The following UMAD1 variants were observed in gnomAD, a reference collection of about 807,000 sequenced individuals.
UMAD1 encodes UBAP1-MVB12-associated (UMA) domain containing 1, also known as UBAP1-MVB12-associated (UMA)-domain containing protein 1.
UMAD1 carries 8 observed loss-of-function variants against 6.1 expected under a neutral mutation model. The observed-to-expected ratio is 1.30, with a 90% CI of 0.76 to 2.35. The LOEUF (loss-of-function observed/expected upper bound fraction) is 2.35, where lower values mean the gene tolerates loss of function less well. UMAD1 is among the 30% of genes most tolerant of loss of function. The pLI is 0.00. For synonymous variants in UMAD1, 56 were observed against 31.4 expected (o/e 1.78, Z -2.61); for missense variants, 130 against 78.4 (o/e 1.66, Z -2.49).
chr7:7,643,722 AAAAC>A (rs1231203583), intron 1 of UMAD1, among the ~76,000 whole-genome samples: 2 of 5,496 alleles, frequency 3.6e-4, no homozygotes, highest in East Asian at 0.01. Context: ...AAAAAAAAAA[AAAAC>A]AAACAAACGA....
intron 1 of UMAD1, among the ~76,000 whole-genome samples, chr7:7,654,147 A>G (rs1785288782): frequency 1.3e-5 from 2 of 152,224 alleles, no homozygotes; most frequent in Non-Finnish European, 2.9e-5. Context: ...TCAATTAAAA[A>G]GAAAACAAAC....
intron 2 of UMAD1, among the ~76,000 whole-genome samples, chr7:7,774,304 T>C (rs1563195307): frequency 6.6e-6 from 1 of 152,130 alleles, no homozygotes; most frequent in Non-Finnish European, 1.5e-5. Context: ...AGAACAATAA[T>C]GAAGAGCATT....
rs1221956551 is a variant in UMAD1 at position 7,854,506 on chromosome 7, C to T, written c.157-22775C>T. Among the ~76,000 whole-genome samples, 8 of 152,100 alleles carry T rather than the reference C, an allele frequency of 5.3e-5. No individual in the cohort carries two copies. The East Asian group carries it at 5.8e-4, about 11-fold the overall frequency. On this transcript the variant is annotated intron_variant, in intron 3 of 3. Coordinates refer to ENST00000682710, the MANE Select transcript of UMAD1 (RefSeq NM_001302348.2). The stretch of plus-strand genomic sequence containing the variant: ...GAATGAGTACCAGCAAGGGAAATGC[C>T]GGACGCATATAAAACCATCAGATCT...
At chr7:7,734,554 A>G (rs1380197868) in intron 2 of UMAD1, among the ~76,000 whole-genome samples, 1 of 152,150 alleles carries the variant, frequency 6.6e-6, no homozygotes, top group Non-Finnish European at 1.5e-5. Flanking sequence ...GAAAGATGTT[A>G]TTCTTCATTA....
chr7:7,735,555 G>A (rs982440231), intron 2 of UMAD1, among the ~76,000 whole-genome samples: 4 of 151,996 alleles, frequency 2.6e-5, no homozygotes, highest in African/African-American at 7.3e-5. Context: ...AATTACAGGG[G>A]CCCACCACCA....
intron 3 of UMAD1, 21 bp from the exon 4 acceptor site, chr7:7,877,260 T>C: frequency 1.4e-6 from 1 of 708,318 alleles, no homozygotes; most frequent in Non-Finnish European, 2.6e-6. Flanking sequence ...GCCTAAATGT[T>C]TTAAATGTAT....
At chr7:7,816,579 G>A (rs1392737785) in intron 3 of UMAD1, among the ~76,000 whole-genome samples, 1 of 152,224 alleles carries the variant, frequency 6.6e-6, no homozygotes, top group Non-Finnish European at 1.5e-5. Context: ...TTGGGACAAA[G>A]AGAATGTGGC....
chr7:7,716,331 C>G (rs558012542), intron 2 of UMAD1, among the ~76,000 whole-genome samples: 3 of 152,258 alleles, frequency 2.0e-5, no homozygotes, highest in African/African-American at 7.2e-5. Context: ...TACAGGAGCT[C>G]GAAAGAAATT....
chr7:7,813,890 A>G (rs548974466), intron 3 of UMAD1, among the ~76,000 whole-genome samples: 1 of 152,312 alleles, frequency 6.6e-6, no homozygotes, highest in South Asian at 2.1e-4. Context: ...ATTTACTGAT[A>G]TTTATTATGG....
At chr7:7,652,574 T>C (rs1048630853) in intron 1 of UMAD1, among the ~76,000 whole-genome samples, 7 of 152,208 alleles carry the variant, frequency 4.6e-5, no homozygotes, top group African/African-American at 1.7e-4. Context: ...TTTGTGCCCA[T>C]TGACATTGTG....
At chr7:7,817,407 C>A (rs1396585347) in intron 3 of UMAD1, among the ~76,000 whole-genome samples, 1 of 152,192 alleles carries the variant, frequency 6.6e-6, no homozygotes, top group African/African-American at 2.4e-5. Flanking sequence ...AACTTGTTAT[C>A]TAAGTATTAC....
At chr7:7,813,853 T>C (rs1221701422) in intron 3 of UMAD1, among the ~76,000 whole-genome samples, 2 of 152,252 alleles carry the variant, frequency 1.3e-5, no homozygotes, top group African/African-American at 4.8e-5. Flanking sequence ...TTTGATTGAA[T>C]AACTTGGTGA....
intron 2 of UMAD1, among the ~76,000 whole-genome samples, chr7:7,748,088 CA>C (rs753787652): frequency 2.0e-5 from 3 of 148,280 alleles, no homozygotes; most frequent in Admixed American, 1.3e-4. Context: ...AGGGGCCTGC[CA>C]CCACGCCCAG....
At chr7:7,779,328 G>T (rs1782295482) in intron 2 of UMAD1, among the ~76,000 whole-genome samples, 1 of 152,056 alleles carries the variant, frequency 6.6e-6, no homozygotes, top group Non-Finnish European at 1.5e-5. Context: ...CCAGGCTAGA[G>T]TGCAGTACTA....
At chr7:7,755,273 C>T (rs1781756451) in intron 2 of UMAD1, among the ~76,000 whole-genome samples, 1 of 152,140 alleles carries the variant, frequency 6.6e-6, no homozygotes, top group Non-Finnish European at 1.5e-5. Context: ...TTTACCACCA[C>T]CAGTTCCTTT....
intron 3 of UMAD1, among the ~76,000 whole-genome samples, chr7:7,811,026 T>A (rs559772509): frequency 1.3e-5 from 2 of 152,288 alleles, no homozygotes; most frequent in Admixed American, 6.5e-5. Flanking sequence ...CCCAAACTTT[T>A]CTCATTAATC....
At chr7:7,831,392 C>G (rs73674644) in intron 3 of UMAD1, among the ~76,000 whole-genome samples, 565 of 152,286 alleles carry the variant, frequency 3.7e-3, no homozygotes, top group African/African-American at 0.013. Context: ...TAAAATCAAA[C>G]TAAGGAACAA....
intron 3 of UMAD1, among the ~76,000 whole-genome samples, chr7:7,825,901 T>TGGGC (rs1783330673): frequency 6.6e-6 from 1 of 152,150 alleles, no homozygotes; most frequent in African/African-American, 2.4e-5. Flanking sequence ...GTCTCAGGTA[T>TGGGC]AAAATGGGCA....
intron 2 of UMAD1, among the ~76,000 whole-genome samples, chr7:7,676,735 T>C (rs1430388492): frequency 1.3e-5 from 2 of 152,180 alleles, no homozygotes; most frequent in African/African-American, 4.8e-5. Context: ...GAAAACTCCT[T>C]GATGAAGTTG....
Sources: gnomAD v4.1 joint callset for allele counts (sites outside exome capture counted in the v4.1 genomes callset) on GRCh38, gnomAD v4.1.1 for gene constraint, MANE v1.5 for transcripts, NCBI Gene and HGNC (gene_info 2026-07-23, HGNC 2026-07-21) for gene names.